Variants in STK3 observed in about 807,000 individuals in gnomAD.
STK3 encodes serine/threonine-protein kinase 3.
STK3 carries 41 observed loss-of-function variants against 58.0 expected under a neutral mutation model. That is an observed-to-expected ratio of 0.71 (90% CI 0.55 to 0.92). The LOEUF (loss-of-function observed/expected upper bound fraction) is 0.92, where lower values mean the gene tolerates loss of function less well. STK3 is among the 40% of genes least tolerant of loss of function. The pLI, the probability that STK3 is intolerant of heterozygous loss-of-function variation, is 0.00. For synonymous variants in STK3, 170 were observed against 191.0 expected, an observed-to-expected ratio of 0.89 and a Z score of 0.91; for missense variants, 479 against 602.7, an observed-to-expected ratio of 0.79 and a Z score of 2.15.
chr8:98,377,899 A>AACT (rs1817691019), intron 2 of STK3, among the ~76,000 whole-genome samples: 1 of 152,084 alleles, frequency 6.6e-6, no homozygotes, highest in African/African-American at 2.4e-5. Context: ...AGCAGCTAGT[A>AACT]AGGTTGAAGC....
chr8:98,385,394 A>G (rs1355632639), intron 1 of STK3, among the ~76,000 whole-genome samples: 2 of 152,210 alleles, frequency 1.3e-5, no homozygotes, highest in Non-Finnish European at 2.9e-5. Context: ...ATGTCCTCCC[A>G]GAGTCTCCTC....
intron 7 of STK3, among the ~76,000 whole-genome samples, chr8:98,589,732 G>A (rs1439461345): frequency 1.3e-5 from 2 of 152,132 alleles, no homozygotes; most frequent in African/African-American, 4.8e-5. Flanking sequence ...TCAGACTGCT[G>A]TGCTAGCAAT....
intron 1 of STK3, among the ~76,000 whole-genome samples, chr8:98,777,470 A>T (rs1831775667): frequency 6.6e-6 from 1 of 151,738 alleles, no homozygotes; most frequent in African/African-American, 2.4e-5. Flanking sequence ...AGATCACGCC[A>T]CTGCACTCCA....
chr8:98,384,765 A>C (rs953833552), intron 1 of STK3, among the ~76,000 whole-genome samples: 1 of 152,130 alleles, frequency 6.6e-6, no homozygotes, highest in African/African-American at 2.4e-5. Context: ...TGCCACTTGC[A>C]CTATCATTCT....
intron 4 of STK3, among the ~76,000 whole-genome samples, chr8:98,742,302 C>A (rs1169055916): frequency 6.6e-6 from 1 of 151,018 alleles, no homozygotes; most frequent in Non-Finnish European, 1.5e-5. Flanking sequence ...AGACCAATAT[C>A]CTTGATGAAC....
chr8:98,429,480 G>C, intron 3 of STK3: 3 of 1,143,946 alleles, frequency 2.6e-6, no homozygotes, highest in Non-Finnish European at 3.9e-6. Flanking sequence ...GCACAGCCCA[G>C]GCACCTTATG....
intron 1 of STK3, among the ~76,000 whole-genome samples, chr8:98,444,432 T>C (rs1818846334): frequency 6.6e-6 from 1 of 151,998 alleles, no homozygotes; most frequent in South Asian, 2.1e-4. Context: ...CAGGGTGAGA[T>C]CGACTGAGGA....
intron 7 of STK3, among the ~76,000 whole-genome samples, chr8:98,581,215 TGA>T (rs1813854082): frequency 6.6e-6 from 1 of 152,138 alleles, no homozygotes; most frequent in Non-Finnish European, 1.5e-5. Flanking sequence ...TGGATAAGGG[TGA>T]GAGGTCAGGT....
intron 10 of STK3, among the ~76,000 whole-genome samples, chr8:98,516,303 AC>A (rs1390539446): frequency 6.6e-6 from 1 of 152,080 alleles, no homozygotes; most frequent in African/African-American, 2.4e-5. Flanking sequence ...ATATGGAAAG[AC>A]ACCACAGGTT....
At chr8:98,743,720 C>A (rs943229647) in intron 4 of STK3, among the ~76,000 whole-genome samples, 6 of 151,694 alleles carry the variant, frequency 4.0e-5, no homozygotes, top group South Asian at 2.1e-4. Flanking sequence ...GCAACAAAAG[C>A]CAAAATTGAC....
At chr8:98,579,273 G>T (rs1306452058) in intron 8 of STK3, among the ~76,000 whole-genome samples, 5 of 152,076 alleles carry the variant, frequency 3.3e-5, no homozygotes, top group African/African-American at 1.2e-4. Context: ...AATATGCTAG[G>T]CCTTTTTATG....
intron 7 of STK3, among the ~76,000 whole-genome samples, chr8:98,586,430 C>A (rs1402102867): frequency 6.6e-6 from 1 of 150,708 alleles, no homozygotes; most frequent in African/African-American, 2.4e-5. Flanking sequence ...ACCAGCCTTG[C>A]ATCCCAGGGA....
downstream of STK3, among the ~76,000 whole-genome samples, chr8:98,401,204 A>C (rs1403191251): frequency 1.3e-5 from 2 of 152,114 alleles, no homozygotes; most frequent in Non-Finnish European, 2.9e-5. Flanking sequence ...AGAAATCGCA[A>C]GAAGCCCCAG....
At chr8:98,775,057 G>A (rs372836567) in intron 1 of STK3, among the ~76,000 whole-genome samples, 3 of 152,126 alleles carry the variant, frequency 2.0e-5, no homozygotes, top group East Asian at 3.9e-4. Flanking sequence ...ATATAAATAT[G>A]AATACATATT....
At chr8:98,390,734 T>G (rs2131012421), upstream of STK3, among the ~76,000 whole-genome samples, 1 of 152,182 alleles carries the variant, frequency 6.6e-6, no homozygotes, top group South Asian at 2.1e-4. Flanking sequence ...TCACTATGGG[T>G]TTTTTCTCTG....
chr8:98,524,491 C>A (rs1284320698), intron 10 of STK3, among the ~76,000 whole-genome samples: 2 of 152,152 alleles, frequency 1.3e-5, no homozygotes, highest in South Asian at 2.1e-4. Context: ...ATGAATATGT[C>A]TTTTCATGTA....
the STK3 span, among the ~76,000 whole-genome samples, chr8:98,363,346 C>T: frequency 6.6e-6 from 1 of 152,248 alleles, no homozygotes; most frequent in South Asian, 2.1e-4. Context: ...GGTGGAAATG[C>T]ACCCCCAGAA....
the STK3 span, among the ~76,000 whole-genome samples, chr8:98,344,892 CAAAAAAAAAAAAAAAA>C: frequency 4.2e-5 from 2 of 47,402 alleles, no homozygotes; most frequent in East Asian, 6.8e-4. Context: ...GACTCCGTCT[CAAAAAAAAAAAAAAAA>C]AAAAAAAAAA....
downstream of STK3, chr8:98,879,513 A>C (rs567437513): frequency 6.6e-6 from 1 of 152,334 alleles, no homozygotes; most frequent in South Asian, 2.1e-4. Flanking sequence ...AACTGTTATT[A>C]ATACATTTTA....
Sources: allele counts gnomAD v4.1 joint callset (sites outside exome capture counted in the v4.1 genomes callset), GRCh38; gene constraint gnomAD v4.1.1; transcripts MANE v1.5; gene names NCBI Gene and HGNC (gene_info 2026-07-23, HGNC 2026-07-21).